CRKL: variants seen among roughly 807,000 people sequenced by gnomAD.
CRKL encodes the protein crk-like protein.
Under a neutral mutation model 23.0 loss-of-function variants are expected in CRKL, and 3 were observed. The observed-to-expected ratio is 0.13, with a 90% confidence interval of 0.06 to 0.34. The LOEUF is 0.34. Among genes scored for constraint, CRKL ranks in the 10% least tolerant of loss-of-function variants. The pLI, the probability that CRKL is intolerant of heterozygous loss-of-function variation, is 1.00. For synonymous variants in CRKL, 188 were observed against 160.7 expected, an observed-to-expected ratio of 1.17 and a Z score of -1.28; for missense variants, 256 against 394.5, an observed-to-expected ratio of 0.65 and a Z score of 2.97.
rs2147904936 is a variant in CRKL, at chr22:20,933,926, A to G, written c.459A>G (p.Ile153Met). The change falls in exon 2 of 3, where the codon ATA (isoleucine) becomes ATG (methionine). Residue 153 changes from isoleucine (I) to methionine (M), a missense_variant. By Grantham distance (10) the Ile-to-Met change is conservative. Coordinates refer to ENST00000354336, the MANE Select transcript of CRKL (RefSeq NM_005207.4). ...AAAAGGGTGAGATCCTAGTGATAAT[A>G]GAGAAGCCTGAAGAACAGTGGTGGA... ...PFKKGEILVI[I>M]EKPEEQWWSA... The G allele has an allele frequency of 6.2e-7, 1 of 1,614,186 alleles. No homozygotes were observed. The highest frequency in any genetic ancestry group is 8.5e-7 in the Non-Finnish European group (1 of 1,180,034).
chr22:20,918,293 C>T (rs779483682), intron 1 of CRKL, 48 bp downstream of exon 1: 2 of 1,590,742 alleles, frequency 1.3e-6, no homozygotes, highest in Non-Finnish European at 1.7e-6. Flanking sequence ...AGAACCGGGT[C>T]TGTCGAAGAG....
intron 2 of CRKL, 145 bp downstream of exon 2, chr22:20,934,389 A>G: frequency 1.3e-6 from 1 of 758,270 alleles, no homozygotes; most frequent in Non-Finnish European, 2.0e-6. Flanking sequence ...TTAGCGTTTC[A>G]TTTTAAAATT....
In CRKL at chr22:20,941,827, C is replaced by T. The variant is rs1921895547; in HGVS notation, c.777+7583C>T. On this transcript the variant is annotated intron_variant, in intron 2 of 2. Coordinates refer to ENST00000354336, the MANE Select transcript of CRKL (RefSeq NM_005207.4). ...TAGGCTGCTCTTGAACTCCTGACAA[C>T]GTGAGCCACTGCACCCGGCCCAGAA... 2.0e-5 allele frequency among the ~76,000 whole-genome samples: 3 copies of T among 151,364 alleles called. No individual in the cohort carries two copies. In the Admixed American group the frequency reaches 2.0e-4, roughly 10 times the overall value.
intron 2 of CRKL, among the ~76,000 whole-genome samples, chr22:20,943,657 T>C (rs1346013807): frequency 6.6e-6 from 1 of 152,208 alleles, no homozygotes; most frequent in South Asian, 2.1e-4. Context: ...CCCAGCAAGG[T>C]TATTCTTTCC....
chr22:20,948,483 A>G (rs1295768274), intron 2 of CRKL, among the ~76,000 whole-genome samples: 2 of 152,160 alleles, frequency 1.3e-5, no homozygotes, highest in Non-Finnish European at 2.9e-5. Flanking sequence ...TCTCTACTCA[A>G]GTAACAATCA....
intron 1 of CRKL, among the ~76,000 whole-genome samples, chr22:20,925,849 A>G (rs943175759): frequency 7.9e-5 from 12 of 152,356 alleles, no homozygotes; most frequent in African/African-American, 2.6e-4. Flanking sequence ...GAAATAGGAA[A>G]GGGAAGTTCT....
Position 20,953,528 on chromosome 22 carries a change from A to G in CRKL, c.*3683A>G, listed in dbSNP as rs1343545638. 4.4e-6 allele frequency: 1 copy of G among 228,480 alleles called. No individual in the cohort carries two copies. The highest frequency in any genetic ancestry group is 5.7e-5 in the Admixed American group (1 of 17,596). The allele number at this position is 228,480 out of a possible 1,614,324, so 14.2% of individuals were successfully genotyped here. The stretch of plus-strand genomic sequence containing the variant: ...ATTTTCTGTGTAAGCTTTTAAAATT[A>G]TTTTTGGGGATCATAGCTTGTTTTA... On this transcript the variant is annotated 3_prime_UTR_variant, in exon 3 of 3. Transcript: ENST00000354336.
At chr22:20,921,318 C>T (rs377389796) in intron 1 of CRKL, among the ~76,000 whole-genome samples, 12 of 152,216 alleles carry the variant, frequency 7.9e-5, no homozygotes, top group East Asian at 5.8e-4. Context: ...ATAGTCTTAT[C>T]CTTTTCATTA....
rs574948297 is a variant in CRKL, at chr22:20,950,693, C to T, written c.*848C>T. On this transcript the variant is annotated 3_prime_UTR_variant, in exon 3 of 3. Transcript: ENST00000354336. ...CCTCCCAACGTGCTGGGATTACAGC[C>T]GTGAGCCGCCGCGCCTGGCCTAGAC... 2.3e-5 allele frequency: 5 copies of T among 219,308 alleles called. No homozygotes were observed. Among genetic ancestry groups the T allele is most frequent in the South Asian group, 3.7e-4 (2 of 5,422 alleles). The allele number at this position is 219,308 out of a possible 1,614,324, so 13.6% of individuals were successfully genotyped here.
Position 20,951,874 on chromosome 22 carries a change from A to G in CRKL, c.*2029A>G, listed in dbSNP as rs923498305. ...TGGTTTTCCTCTAAAAGCCTTGGAG[A>G]TTAGCCCTTCCTTGCCAGTGAGAAC... On this transcript the variant is annotated 3_prime_UTR_variant, in exon 3 of 3. Coordinates refer to ENST00000354336, the MANE Select transcript of CRKL (RefSeq NM_005207.4). 4.5e-6 allele frequency: 1 copy of G among 222,868 alleles called. No individual in the cohort carries two copies. Among genetic ancestry groups the G allele is most frequent in the Non-Finnish European group, 9.0e-6 (1 of 111,646 alleles). The allele number at this position is 222,868 out of a possible 1,614,324, so 13.8% of individuals were successfully genotyped here.
intron 1 of CRKL, among the ~76,000 whole-genome samples, chr22:20,919,966 CTGAT>C (rs756189471): frequency 6.1e-4 from 93 of 152,204 alleles, no homozygotes; most frequent in Admixed American, 5.2e-4. Flanking sequence ...CACCAAGAAT[CTGAT>C]TGGTGAAACC....
At position 20,930,680 on chromosome 22, in the gene CRKL, CTTTTTTTTTTTTTT is replaced by C. The variant is rs151090592; in HGVS notation, c.312-3083_312-3070del. Among the ~76,000 whole-genome samples the C allele has an allele frequency of 8.3e-5, 4 of 48,050 alleles. No homozygotes were observed. The East Asian group carries it at 2.8e-3, about 34-fold the overall frequency. 31.5% of individuals were successfully genotyped at this position (48,050 alleles called of 152,430 possible). A position where few individuals can be genotyped will look rare whatever the true frequency, so the allele number is the denominator to read the frequency against. On this transcript the variant is annotated intron_variant, in intron 1 of 2. Transcript: ENST00000354336. ...CAGGCGTGAGCCACCACACGCCTGG[CTTTTTTTTTTTTTT>C]TTTTTTTTTTTTTTTGAGATAGAGT...
chr22:20,938,084 CT>C (rs1277578629), intron 2 of CRKL, among the ~76,000 whole-genome samples: 2 of 152,020 alleles, frequency 1.3e-5, no homozygotes, highest in African/African-American at 4.8e-5. Flanking sequence ...AAAAACAACT[CT>C]TGGGACTTTT....
rs540915577 is a variant in CRKL, at chr22:20,940,801, A to T, written c.777+6557A>T. On this transcript the variant is annotated intron_variant, in intron 2 of 2. Coordinates refer to ENST00000354336, the MANE Select transcript of CRKL (RefSeq NM_005207.4). ...ATTGGCCTTCCCAAGGGCCCATGGT[A>T]CAACTTCCTTTACTGACTGACCTGG... 3.3e-5 allele frequency among the ~76,000 whole-genome samples: 5 copies of T among 152,238 alleles called. No individual in the cohort carries two copies. The South Asian group carries it at 1.0e-3, about 32-fold the overall frequency.
intron 2 of CRKL, among the ~76,000 whole-genome samples, chr22:20,938,394 T>C (rs1437701042): frequency 6.6e-6 from 1 of 152,210 alleles, no homozygotes; most frequent in Non-Finnish European, 1.5e-5. Context: ...AGGGGAATAC[T>C]TGGTATCTGT....
rs1286834909 is a variant in CRKL at position 20,939,791 on chromosome 22, T to C, written c.777+5547T>C. Among the ~76,000 whole-genome samples the C allele has an allele frequency of 4.1e-4, 10 of 24,602 alleles. No individual in the cohort carries two copies. The South Asian group carries it at 7.4e-3, about 18-fold the overall frequency. The allele number at this position is 24,602 out of a possible 152,430, so 16.1% of individuals were successfully genotyped here. ...TGATCTGCGTACATCTCTGAATCCT[T>C]TTTTTTTTTTTTTTGAGTTGAAGTC... On this transcript the variant is annotated intron_variant, in intron 2 of 2. Coordinates refer to ENST00000354336, the MANE Select transcript of CRKL (RefSeq NM_005207.4).
At position 20,950,985 on chromosome 22, in the gene CRKL, G is replaced by A. The variant is rs1376775033; in HGVS notation, c.*1140G>A. Reference sequence around the variant, plus strand: ...CTTTGTTTTAAAAAGCATCAGAGTTGGGGGTACTTTAGGGAAACCTTTGCT... The same window carrying A: ...CTTTGTTTTAAAAAGCATCAGAGTTAGGGGTACTTTAGGGAAACCTTTGCT... On this transcript the variant is annotated 3_prime_UTR_variant, in exon 3 of 3. Coordinates refer to ENST00000354336, the MANE Select transcript of CRKL (RefSeq NM_005207.4). The A allele has an allele frequency of 4.3e-6, 1 of 232,474 alleles. No individual in the cohort carries two copies. The highest frequency in any genetic ancestry group is 8.5e-6 in the Non-Finnish European group (1 of 117,678). 14.4% of individuals were successfully genotyped at this position (232,474 alleles called of 1,614,324 possible).
chr22:20,948,184 AG>A (rs1341439269), intron 2 of CRKL, among the ~76,000 whole-genome samples: 1 of 152,216 alleles, frequency 6.6e-6, no homozygotes, highest in Non-Finnish European at 1.5e-5. Flanking sequence ...GTTAATTGGA[AG>A]GCGTGAGGTG....
intron 1 of CRKL, among the ~76,000 whole-genome samples, chr22:20,925,945 T>G (rs554073994): frequency 6.6e-6 from 1 of 152,328 alleles, no homozygotes; most frequent in African/African-American, 2.4e-5. Flanking sequence ...TTGTTTTTGA[T>G]TTTTGTCTTT....
Sources: allele counts gnomAD v4.1 joint callset (sites outside exome capture counted in the v4.1 genomes callset), GRCh38; gene constraint gnomAD v4.1.1; transcripts MANE v1.5; gene names NCBI Gene and HGNC (gene_info 2026-07-23, HGNC 2026-07-21).